The following SRD5A2 variants were observed in gnomAD, a reference collection of about 807,000 sequenced individuals.
SRD5A2 encodes the protein 3-oxo-5-alpha-steroid 4-dehydrogenase 2.
A neutral mutation model predicts 27.4 loss-of-function variants in SRD5A2; 30 were observed. The observed-to-expected ratio is 1.10, with a 90% CI of 0.82 to 1.49. SRD5A2 has a LOEUF of 1.49. SRD5A2 is among the 40% of genes most tolerant of loss of function. The pLI is 0.00. For missense variants in SRD5A2, 348 were observed against 323.4 expected, an observed-to-expected ratio of 1.08 and a Z score of -0.58; for synonymous variants, 141 against 133.6, an observed-to-expected ratio of 1.06 and a Z score of -0.38.
chr2:31,569,683 A>AC (rs1451109162), intron 1 of SRD5A2, among the ~76,000 whole-genome samples: 3 of 151,862 alleles, frequency 2.0e-5, no homozygotes, highest in South Asian at 2.1e-4. Flanking sequence ...AAAACAAAAA[A>AC]AAAAAAACAC....
the SRD5A2 span, among the ~76,000 whole-genome samples, chr2:31,588,307 C>G: frequency 5.8e-5 from 1 of 17,174 alleles, no homozygotes; most frequent in Non-Finnish European, 1.0e-4. Context: ...AAGAGACTAC[C>G]TCAAGGCATT....
intron 1 of SRD5A2, among the ~76,000 whole-genome samples, chr2:31,566,672 T>A (rs546232231): frequency 6.6e-6 from 1 of 152,166 alleles, no homozygotes; most frequent in Admixed American, 6.5e-5. Context: ...GGTTGTGTCA[T>A]AGCAGCTCAG....
At chr2:31,545,690 T>A (rs993295356) in intron 1 of SRD5A2, among the ~76,000 whole-genome samples, 4 of 152,126 alleles carry the variant, frequency 2.6e-5, no homozygotes, top group African/African-American at 9.7e-5. Context: ...CTATTCAACA[T>A]AGTGCTAGAA....
chr2:31,545,176 C>T (rs910449806), intron 1 of SRD5A2, among the ~76,000 whole-genome samples: 6 of 151,514 alleles, frequency 4.0e-5, no homozygotes, highest in African/African-American at 1.2e-4. Context: ...TGTTCTCAAA[C>T]TTTTCCAAAA....
chr2:31,617,115 C>A, the SRD5A2 span, among the ~76,000 whole-genome samples: 1 of 152,108 alleles, frequency 6.6e-6, no homozygotes, highest in Admixed American at 6.6e-5. Context: ...GAGGCTTCCC[C>A]AGCCACGAGG....
intron 4 of SRD5A2, among the ~76,000 whole-genome samples, chr2:31,526,782 C>A (rs368498644): frequency 6.6e-6 from 1 of 152,074 alleles, no homozygotes; most frequent in Non-Finnish European, 1.5e-5. Context: ...GAAGTCCTAA[C>A]CCCCAGTAAC....
chr2:31,610,415 A>G, the SRD5A2 span, among the ~76,000 whole-genome samples: 1 of 152,354 alleles, frequency 6.6e-6, no homozygotes, highest in East Asian at 1.9e-4. Context: ...CAAAGTAGAA[A>G]AAGAATTTGA....
chr2:31,655,008 A>G, the SRD5A2 span, among the ~76,000 whole-genome samples: 2 of 152,226 alleles, frequency 1.3e-5, no homozygotes, highest in Admixed American at 6.5e-5. Context: ...ATATGAGTCA[A>G]ATAGGAGGGG....
At chr2:31,662,122 G>C in the SRD5A2 span, among the ~76,000 whole-genome samples, 1 of 152,038 alleles carries the variant, frequency 6.6e-6, no homozygotes, top group Admixed American at 6.6e-5. Flanking sequence ...TCAAACATCT[G>C]AGTAACCATA....
the SRD5A2 span, among the ~76,000 whole-genome samples, chr2:31,636,559 C>T: frequency 6.6e-6 from 1 of 152,082 alleles, no homozygotes; most frequent in South Asian, 2.1e-4. Flanking sequence ...TTGTTCCAGT[C>T]TTTAGAGGAA....
At chr2:31,551,213 T>TAA (rs1666375488) in intron 1 of SRD5A2, among the ~76,000 whole-genome samples, 1 of 152,104 alleles carries the variant, frequency 6.6e-6, no homozygotes, top group South Asian at 2.1e-4. Context: ...AGATCTTTTT[T>TAA]AAATGGTGAC....
At chr2:31,627,703 T>C in the SRD5A2 span, among the ~76,000 whole-genome samples, 4 of 152,114 alleles carry the variant, frequency 2.6e-5, no homozygotes, top group Admixed American at 2.6e-4. Flanking sequence ...ATTTCTTGAA[T>C]CCTGCCTTAA....
Position 31,525,372 on chromosome 2 carries a change from C to T in SRD5A2, c.*824G>A. 4.4e-6 allele frequency: 1 copy of T among 226,960 alleles called. No homozygotes were observed. The highest frequency in any genetic ancestry group is 8.8e-6 in the Non-Finnish European group (1 of 114,048). The allele number at this position is 226,960 out of a possible 1,614,324, so 14.1% of individuals were successfully genotyped here. Reference sequence around the variant, plus strand: ...TAGTTTCCAAAAACATGAGAGTTTGCAATGTCTATTGTAAAACTGTTCTCT... The same window carrying T: ...TAGTTTCCAAAAACATGAGAGTTTGTAATGTCTATTGTAAAACTGTTCTCT... On this transcript the variant is annotated 3_prime_UTR_variant, in exon 5 of 5. Transcript: ENST00000622030.
At chr2:31,604,026 C>T in the SRD5A2 span, among the ~76,000 whole-genome samples, 1 of 151,680 alleles carries the variant, frequency 6.6e-6, no homozygotes. Context: ...ACCTGCACAT[C>T]CTATACATAT....
chr2:31,613,970 CAT>C, the SRD5A2 span, among the ~76,000 whole-genome samples: 1 of 151,784 alleles, frequency 6.6e-6, no homozygotes, highest in Non-Finnish European at 1.5e-5. Context: ...CCACCCTTGA[CAT>C]GTGGGGATGA....
the SRD5A2 span, among the ~76,000 whole-genome samples, chr2:31,654,794 C>T: frequency 6.6e-6 from 1 of 152,154 alleles, no homozygotes; most frequent in Non-Finnish European, 1.5e-5. Flanking sequence ...TATCTGCTCT[C>T]AACAATGTAC....
chr2:31,565,770 A>T (rs1666717274), intron 1 of SRD5A2, among the ~76,000 whole-genome samples: 1 of 152,014 alleles, frequency 6.6e-6, no homozygotes, highest in Non-Finnish European at 1.5e-5. Context: ...CAGATATCTC[A>T]ATACTCTTCT....
At chr2:31,543,498 T>C (rs1309984626) in intron 1 of SRD5A2, among the ~76,000 whole-genome samples, 1 of 152,214 alleles carries the variant, frequency 6.6e-6, no homozygotes, top group Non-Finnish European at 1.5e-5. Context: ...TAAAAGTTAA[T>C]ATCACTGAAA....
chr2:31,620,744 C>T, the SRD5A2 span, among the ~76,000 whole-genome samples: 23 of 151,408 alleles, frequency 1.5e-4, no homozygotes, highest in African/African-American at 5.1e-4. Flanking sequence ...TCTTTGAGAA[C>T]TGCCATCTAG....
Sources: allele counts gnomAD v4.1 joint callset (sites outside exome capture counted in the v4.1 genomes callset), GRCh38; gene constraint gnomAD v4.1.1; transcripts MANE v1.5; gene names NCBI Gene and HGNC (gene_info 2026-07-23, HGNC 2026-07-21).